EIF3I: variants seen among roughly 807,000 people sequenced by gnomAD.
EIF3I encodes eukaryotic translation initiation factor 3 subunit I.
In EIF3I, 20 loss-of-function variants were observed where a neutral mutation model predicts 43.3. The ratio of observed to expected loss-of-function variants is 0.46; its 90% CI spans 0.32 to 0.67. The LOEUF is 0.67. Ranked by LOEUF, EIF3I falls within the 30% of genes least tolerant of loss-of-function variation. The pLI, the probability that EIF3I is intolerant of heterozygous loss-of-function variation, is 0.03. For missense variants in EIF3I, 279 were observed against 421.4 expected, an observed-to-expected ratio of 0.66 and a Z score of 2.96; for synonymous variants, 167 against 151.7, an observed-to-expected ratio of 1.10 and a Z score of -0.74.
exon 3 of EIF3I, chr1:32,224,045 A>G (rs751184923): frequency 6.2e-7 from 1 of 1,614,088 alleles, no homozygotes; most frequent in Non-Finnish European, 8.5e-7. Flanking sequence ...TCGTCAATGT[A>G]TGGTACTCTG....
At chr1:32,223,478 T>G (rs1270804098) in intron 2 of EIF3I, among the ~76,000 whole-genome samples, 5 of 152,016 alleles carry the variant, frequency 3.3e-5, no homozygotes, top group Non-Finnish European at 7.4e-5. Flanking sequence ...AGAGATGGGG[T>G]TTCACCATGT....
chr1:32,225,751 G>T (rs533141600), intron 4 of EIF3I, among the ~76,000 whole-genome samples: 16 of 151,776 alleles, frequency 1.1e-4, no homozygotes, highest in African/African-American at 3.9e-4. Context: ...GGCCGGGCGC[G>T]GTGGCTCACA....
At chr1:32,227,825 AT>A (rs1476591491) in intron 6 of EIF3I, among the ~76,000 whole-genome samples, 4 of 152,200 alleles carry the variant, frequency 2.6e-5, no homozygotes, top group African/African-American at 9.7e-5. Flanking sequence ...ACCACTGAGT[AT>A]AATGCCCTGT....
downstream of EIF3I, chr1:32,234,261 G>A (rs1014445961): frequency 1.3e-5 from 2 of 150,200 alleles, no homozygotes; most frequent in African/African-American, 2.5e-5. Context: ...TCGTGCCACT[G>A]CGCTCCAGAC....
chr1:32,228,674 G>A (rs112005192), intron 7 of EIF3I, 53 bp from the exon 8 acceptor site: 5 of 1,605,126 alleles, frequency 3.1e-6, no homozygotes, highest in South Asian at 2.2e-5. Flanking sequence ...CACCCTGCCC[G>A]ACTTCCCCCA....
chr1:32,226,461 T>C (rs1293235217), exon 6 of EIF3I: 3 of 1,601,484 alleles, frequency 1.9e-6, no homozygotes, highest in East Asian at 4.5e-5. Context: ...CCAGTGCTGT[T>C]TGGGGACCCC....
chr1:32,222,730 G>T, intron 2 of EIF3I, 100 bp downstream of exon 2: 1 of 1,233,406 alleles, frequency 8.1e-7, no homozygotes, highest in Non-Finnish European at 1.2e-6. Flanking sequence ...CCAAAGAGCA[G>T]CCCATTGTGA....
exon 5 of EIF3I, chr1:32,226,181 G>A (rs1639143468): frequency 1.2e-6 from 2 of 1,614,184 alleles, no homozygotes; most frequent in Non-Finnish European, 1.7e-6. Flanking sequence ...GAAAGCAGCT[G>A]GCCCTTCTCA....
intron 4 of EIF3I, among the ~76,000 whole-genome samples, chr1:32,225,185 A>T (rs1639123845): frequency 6.6e-6 from 1 of 151,772 alleles, no homozygotes; most frequent in South Asian, 2.1e-4. Context: ...CATGTTGGCC[A>T]GGCTGGTCTC....
chr1:32,222,762 G>A, intron 2 of EIF3I, 132 bp downstream of exon 2: 2 of 896,256 alleles, frequency 2.2e-6, no homozygotes, highest in Non-Finnish European at 3.5e-6. Context: ...AGGCCATGCC[G>A]GGGGTAGGTT....
Position 32,222,523 on chromosome 1 carries a change from G to C in EIF3I, c.4-15G>C. 1 of 1,614,128 alleles carries C rather than the reference G, an allele frequency of 6.2e-7. No homozygotes were observed. On this transcript the variant is annotated splice_polypyrimidine_tract_variant and intron_variant, in intron 1 of 11. Coordinates refer to ENST00000676679, the Ensembl canonical transcript of EIF3I. ...CCCAATTCCGAGCACTGACGTTACT[G>C]TCTTGTCCCCACAGAAGCCGATCCT...
downstream of EIF3I, chr1:32,232,167 C>G (rs986591224): frequency 6.6e-6 from 1 of 152,178 alleles, no homozygotes; most frequent in Non-Finnish European, 1.5e-5. Context: ...GCATCTGAGT[C>G]CTCCCTTCAC....
At chr1:32,233,367 G>A (rs1407990000), downstream of EIF3I, among the ~76,000 whole-genome samples, 1 of 152,118 alleles carries the variant, frequency 6.6e-6, no homozygotes, top group Non-Finnish European at 1.5e-5. Context: ...TGTTAGCCAG[G>A]GTGGTCTCGA....
At chr1:32,224,986 A>G (rs1299445194) in intron 4 of EIF3I, among the ~76,000 whole-genome samples, 3 of 152,160 alleles carry the variant, frequency 2.0e-5, no homozygotes, top group African/African-American at 7.2e-5. Flanking sequence ...GACATGCGCC[A>G]TCACACCTGG....
chr1:32,224,299 G>A lies in EIF3I; in HGVS notation c.185-111G>A. 5 of 1,108,878 alleles carry A rather than the reference G, an allele frequency of 4.5e-6. No homozygotes were observed. The South Asian group carries it at 6.4e-5, about 14-fold the overall frequency. The allele number at this position is 1,108,878 out of a possible 1,614,324, so 68.7% of individuals were successfully genotyped here. A position where few individuals can be genotyped will look rare whatever the true frequency, so the allele number is the denominator to read the frequency against. ...ACAAATTCCAGTTCTGGATAAGGAG[G>A]TAAGAGGGGTAGAAAGGCTCTTTGG... is the stretch of plus-strand genomic sequence containing the variant. On this transcript the variant is annotated intron_variant, in intron 3 of 11. Transcript: ENST00000676679.
At chr1:32,233,994 G>C (rs1478985929), downstream of EIF3I, 1 of 152,062 alleles carries the variant, frequency 6.6e-6, no homozygotes, top group Admixed American at 6.6e-5. Context: ...GGGAAAGATG[G>C]CTCCTAAGGA....
chr1:32,227,648 G>A (rs1639168304), intron 6 of EIF3I, among the ~76,000 whole-genome samples: 1 of 152,020 alleles, frequency 6.6e-6, no homozygotes, highest in Non-Finnish European at 1.5e-5. Context: ...GGTGGAGTGT[G>A]CCTTTGGTCC....
chr1:32,225,094 A>T (rs904166069), intron 4 of EIF3I, among the ~76,000 whole-genome samples: 3 of 152,108 alleles, frequency 2.0e-5, no homozygotes, highest in African/African-American at 7.2e-5. Flanking sequence ...TCGGCCTTCC[A>T]AAGTGCTGGG....
At chr1:32,228,752 A>T in exon 8 of EIF3I, 1 of 1,614,124 alleles carries the variant, frequency 6.2e-7, no homozygotes, top group Non-Finnish European at 8.5e-7. Flanking sequence ...ACTCTTGAAC[A>T]TCAGAAGACT....
Sources: gnomAD v4.1 joint callset for allele counts (sites outside exome capture counted in the v4.1 genomes callset) on GRCh38, gnomAD v4.1.1 for gene constraint, MANE v1.5 for transcripts, NCBI Gene and HGNC (gene_info 2026-07-23, HGNC 2026-07-21) for gene names.